The following TASP1 variants were observed in gnomAD, a reference collection of about 807,000 sequenced individuals.
The protein encoded by TASP1 is taspase 1.
Under a neutral mutation model 56.6 loss-of-function variants are expected in TASP1, and 16 were observed. That is an observed-to-expected ratio of 0.28 (90% CI 0.19 to 0.43). TASP1 has a LOEUF of 0.43. Among genes scored for constraint, TASP1 ranks in the 20% least tolerant of loss-of-function variants. The pLI, the probability that TASP1 is intolerant of heterozygous loss-of-function variation, is 1.00. For synonymous variants in TASP1, 179 were observed against 184.2 expected, an observed-to-expected ratio of 0.97 and a Z score of 0.23; for missense variants, 393 against 511.6, an observed-to-expected ratio of 0.77 and a Z score of 2.24.
chr20:13,164,259 A>G, the TASP1 span: 8 of 446,872 alleles, frequency 1.8e-5, no homozygotes, highest in African/African-American at 1.6e-4. Context: ...TCTGGGACAC[A>G]GAGATGAGTA....
At chr20:13,192,793 G>A in the TASP1 span, among the ~76,000 whole-genome samples, 26 of 150,750 alleles carry the variant, frequency 1.7e-4, no homozygotes, top group African/African-American at 4.2e-4. Flanking sequence ...GGTTCAAGCC[G>A]TCCTCCCACC....
intron 10 of TASP1, among the ~76,000 whole-genome samples, chr20:13,497,326 G>T (rs2146613047): frequency 6.6e-6 from 1 of 152,310 alleles, no homozygotes; most frequent in Admixed American, 6.5e-5. Flanking sequence ...AGAGCTGAAA[G>T]AAATCCCTCA....
chr20:13,428,129 T>C (rs1048701548), intron 12 of TASP1, among the ~76,000 whole-genome samples: 1 of 152,202 alleles, frequency 6.6e-6, no homozygotes, highest in Non-Finnish European at 1.5e-5. Flanking sequence ...AAGATTTTTC[T>C]ATATGGAATC....
downstream of TASP1, among the ~76,000 whole-genome samples, chr20:13,386,063 C>T (rs1045445764): frequency 6.6e-6 from 1 of 152,188 alleles, no homozygotes; most frequent in African/African-American, 2.4e-5. Flanking sequence ...TTGTTGTATG[C>T]ACCTGCAGCC....
the TASP1 span, among the ~76,000 whole-genome samples, chr20:13,318,965 A>T: frequency 6.6e-6 from 1 of 152,190 alleles, no homozygotes; most frequent in African/African-American, 2.4e-5. Flanking sequence ...GTCATTATAC[A>T]TTTGTCCAAA....
At chr20:13,370,369 C>A in the TASP1 span, among the ~76,000 whole-genome samples, 1 of 151,796 alleles carries the variant, frequency 6.6e-6, no homozygotes, top group Non-Finnish European at 1.5e-5. Flanking sequence ...TTAACATGAA[C>A]TTTATTGGTC....
At chr20:13,188,607 T>G in the TASP1 span, among the ~76,000 whole-genome samples, 69 of 152,226 alleles carry the variant, frequency 4.5e-4, no homozygotes, top group Admixed American at 1.2e-3. Flanking sequence ...AACCATACTA[T>G]CCAAAGCAAT....
At chr20:13,606,782 G>C (rs6134935) in intron 4 of TASP1, among the ~76,000 whole-genome samples, 59,591 of 148,764 alleles carry the variant, frequency 0.4, 12,535 homozygotes, top group East Asian at 0.55. Context: ...ACTCCAGCCT[G>C]GGCGACTGAG....
At chr20:13,523,887 C>T (rs2044866446) in intron 10 of TASP1, among the ~76,000 whole-genome samples, 1 of 152,138 alleles carries the variant, frequency 6.6e-6, no homozygotes, top group Admixed American at 6.6e-5. Flanking sequence ...TACCCCTGTA[C>T]TCACTGTTTC....
chr20:13,159,327 A>C, the TASP1 span, among the ~76,000 whole-genome samples: 4 of 152,146 alleles, frequency 2.6e-5, no homozygotes, highest in African/African-American at 9.7e-5. Context: ...CATTCCTCTT[A>C]AACTCAGTTG....
At chr20:13,122,295 T>G in the TASP1 span, among the ~76,000 whole-genome samples, 1 of 152,224 alleles carries the variant, frequency 6.6e-6, no homozygotes, top group African/African-American at 2.4e-5. Flanking sequence ...TGGAGACCAA[T>G]GTGACTCAAT....
chr20:13,283,829 C>A, the TASP1 span, among the ~76,000 whole-genome samples: 6 of 152,160 alleles, frequency 3.9e-5, no homozygotes, highest in East Asian at 1.9e-4. Context: ...CTGGTCATAA[C>A]CCTATTTTAA....
At chr20:13,343,281 A>G in the TASP1 span, among the ~76,000 whole-genome samples, 1 of 152,196 alleles carries the variant, frequency 6.6e-6, no homozygotes, top group Non-Finnish European at 1.5e-5. Context: ...CCTACCCAGC[A>G]CTCAGGAAGA....
At chr20:13,599,960 A>T (rs1417768953) in intron 4 of TASP1, among the ~76,000 whole-genome samples, 1 of 152,170 alleles carries the variant, frequency 6.6e-6, no homozygotes, top group East Asian at 1.9e-4. Flanking sequence ...AGGATACAAG[A>T]TCAATATATA....
chr20:13,327,428 C>T, the TASP1 span, among the ~76,000 whole-genome samples: 2 of 152,224 alleles, frequency 1.3e-5, no homozygotes, highest in African/African-American at 2.4e-5. Flanking sequence ...CTACCATCGA[C>T]ATTCTTCACA....
chr20:13,385,683 A>C (rs1014343438), downstream of TASP1, among the ~76,000 whole-genome samples: 1 of 152,220 alleles, frequency 6.6e-6, no homozygotes, highest in African/African-American at 2.4e-5. Context: ...CACAGGTAGG[A>C]GAGTCAAGAA....
At chr20:13,219,979 G>GA in the TASP1 span, among the ~76,000 whole-genome samples, 1 of 152,166 alleles carries the variant, frequency 6.6e-6, no homozygotes, top group African/African-American at 2.4e-5. Context: ...GTGCCGTCAA[G>GA]AAAGAGTTGA....
At chr20:13,629,567 G>A (rs2049015273) in intron 2 of TASP1, among the ~76,000 whole-genome samples, 1 of 151,502 alleles carries the variant, frequency 6.6e-6, no homozygotes. Flanking sequence ...CACCTCCTGG[G>A]TTCAAGCAAT....
chr20:13,165,142 G>A, the TASP1 span: 1 of 337,950 alleles, frequency 3.0e-6, no homozygotes. Flanking sequence ...ATTTTTAATG[G>A]CAATAAGCCT....
Sources: allele counts gnomAD v4.1 joint callset (sites outside exome capture counted in the v4.1 genomes callset), GRCh38; gene constraint gnomAD v4.1.1; transcripts MANE v1.5; gene names NCBI Gene and HGNC (gene_info 2026-07-23, HGNC 2026-07-21).